The following CACNA1D variants were observed in gnomAD, a reference collection of about 807,000 sequenced individuals.
The protein encoded by CACNA1D is calcium voltage-gated channel subunit alpha1 D, also known as voltage-dependent L-type calcium channel subunit alpha-1D.
Under a neutral mutation model 257.1 loss-of-function variants are expected in CACNA1D, and 55 were observed. The observed-to-expected ratio is 0.21, with a 90% confidence interval of 0.17 to 0.27. CACNA1D has a LOEUF of 0.27. Ranked by LOEUF, CACNA1D falls within the 10% of genes least tolerant of loss-of-function variation. The pLI, the probability that CACNA1D is intolerant of heterozygous loss-of-function variation, is 1.00. For missense variants in CACNA1D, 1,876 were observed against 2,784.0 expected (o/e 0.67, Z 7.34); for synonymous variants, 980 against 1,014.9 (o/e 0.97, Z 0.65).
chr3:53,784,912 G>C (rs893461274), intron 39 of CACNA1D, among the ~76,000 whole-genome samples: 2 of 152,214 alleles, frequency 1.3e-5, no homozygotes, highest in Non-Finnish European at 2.9e-5. Context: ...GACTCAAGGA[G>C]CACACTGTCC....
At chr3:53,724,132 G>C in intron 14 of CACNA1D, 133 bp downstream of exon 14, 1 of 756,170 alleles carries the variant, frequency 1.3e-6, no homozygotes, top group Non-Finnish European at 2.3e-6. Context: ...TCATAGCCTG[G>C]TAAATTTTGT....
intron 3 of CACNA1D, among the ~76,000 whole-genome samples, chr3:53,592,116 G>A (rs1194127585): frequency 1.3e-5 from 2 of 152,186 alleles, no homozygotes; most frequent in African/African-American, 4.8e-5. Context: ...AAATAGGCAG[G>A]GCTCCTGTTC....
At position 53,801,391 on chromosome 3, in the gene CACNA1D, G is replaced by T; in HGVS notation, c.5374G>T (p.Asp1792Tyr). The change falls in exon 42 of 48, where the codon GAC (aspartate) becomes TAC (tyrosine). Residue 1792 changes from aspartate to tyrosine, a missense_variant. By Grantham distance (160) the Asp-to-Tyr change is radical. This residue lies in a region of CACNA1D where 491 missense variants were observed against 554.3 expected (regional missense o/e 0.89). Transcript: ENST00000350061. ...TGGGCATCATTCTTCCCACAAGCAT[G>T]ACCGGGAGCCTCAGAGAAGGTCCAG... Reference protein sequence around the residue: ...ENGHHSSHKHDREPQRRSSVK... With the variant: ...ENGHHSSHKHYREPQRRSSVK... 1 of 1,614,132 alleles carries T rather than the reference G, an allele frequency of 6.2e-7. No homozygotes were observed.
intron 3 of CACNA1D, among the ~76,000 whole-genome samples, chr3:53,554,148 A>G (rs2092594464): frequency 6.6e-6 from 1 of 151,604 alleles, no homozygotes; most frequent in African/African-American, 2.4e-5. Flanking sequence ...GTGAGCCAAG[A>G]TGGCACCATT....
intron 32 of CACNA1D, 56 bp from the exon 33 acceptor site, chr3:53,772,777 C>A: frequency 7.4e-7 from 1 of 1,357,122 alleles, no homozygotes; most frequent in Non-Finnish European, 1.1e-6. Context: ...CAGGCTGTGG[C>A]GGGCCGTCAC....
intron 40 of CACNA1D, chr3:53,798,103 G>A (rs1036286658): frequency 3.3e-5 from 5 of 152,206 alleles, no homozygotes; most frequent in South Asian, 2.1e-4. Context: ...AATGAAATGC[G>A]GCTGTTTAGT....
Position 53,752,031 on chromosome 3 carries a change from A to T in CACNA1D, c.3675+124A>T, listed in dbSNP as rs1001217394. Reference sequence around the variant, plus strand: ...TTGATTTTTCTGATGAGTCTGGGCTATAGGTTGGCCAGAGTTCTGTTCTGG... The same window carrying T: ...TTGATTTTTCTGATGAGTCTGGGCTTTAGGTTGGCCAGAGTTCTGTTCTGG... On this transcript the variant is annotated intron_variant, in intron 28 of 47. Transcript: ENST00000350061. The T allele has an allele frequency of 4.3e-6, 4 of 939,084 alleles. 1 individual carries two copies. The African/African-American group carries it at 6.5e-5, about 15-fold the overall frequency. The allele number at this position is 939,084 out of a possible 1,614,324, so 58.2% of individuals were successfully genotyped here.
At chr3:53,794,263 G>A (rs1275061004) in intron 40 of CACNA1D, among the ~76,000 whole-genome samples, 1 of 152,214 alleles carries the variant, frequency 6.6e-6, no homozygotes, top group Non-Finnish European at 1.5e-5. Flanking sequence ...GCCCAATTGT[G>A]TCATGATTAG....
chr3:53,658,983 C>T (rs1291127436), intron 4 of CACNA1D, among the ~76,000 whole-genome samples: 2 of 152,200 alleles, frequency 1.3e-5, no homozygotes, highest in Non-Finnish European at 2.9e-5. Context: ...GACTCGGTGT[C>T]TTGGCAATCC....
chr3:53,572,362 GTTTGTTTGTTTGTTTATTTA>G (rs371249211), intron 3 of CACNA1D, among the ~76,000 whole-genome samples: 6,864 of 45,554 alleles, frequency 0.15, 458 homozygotes, highest in African/African-American at 0.27. Flanking sequence ...CCTCTGGTTT[GTTTGTTTGTTTGTTTATTTA>G]TTTATTTATT....
At chr3:53,693,014 C>T (rs1008859756) in intron 8 of CACNA1D, among the ~76,000 whole-genome samples, 5 of 152,176 alleles carry the variant, frequency 3.3e-5, no homozygotes, top group Non-Finnish European at 5.9e-5. Flanking sequence ...TGCACTCCAG[C>T]CTGGGCAGCC....
At chr3:53,655,568 A>G (rs1283527352) in intron 4 of CACNA1D, among the ~76,000 whole-genome samples, 1 of 152,218 alleles carries the variant, frequency 6.6e-6, no homozygotes, top group African/African-American at 2.4e-5. Context: ...ACGATCAGTA[A>G]TATGAACTTT....
intron 20 of CACNA1D, among the ~76,000 whole-genome samples, chr3:53,736,192 T>A (rs932266191): frequency 6.6e-6 from 1 of 151,838 alleles, no homozygotes; most frequent in Non-Finnish European, 1.5e-5. Context: ...ATAAAAAAAA[T>A]TAGCTGAGCG....
Position 53,800,698 on chromosome 3 carries a change from T to A in CACNA1D, c.5040+333T>A. The stretch of plus-strand genomic sequence containing the variant: ...CTACCCTCCTCCTTCCCGGGCCAGC[T>A]CTTTGATCTGCCAGCTGGCTGTCAG... On this transcript the variant is annotated intron_variant, in intron 41 of 47. Transcript: ENST00000350061. This position sits in a 1 kb window ranked among gnomAD's most constrained non-coding sequence, Gnocchi z 4.3. The A allele has an allele frequency of 2.0e-6, 1 of 493,126 alleles. No homozygotes were observed. Among genetic ancestry groups the A allele is most frequent in the African/African-American group, 1.9e-5 (1 of 51,664 alleles). 30.5% of individuals were successfully genotyped at this position (493,126 alleles called of 1,614,324 possible). A position where few individuals can be genotyped will look rare whatever the true frequency, so the allele number is the denominator to read the frequency against.
intron 3 of CACNA1D, among the ~76,000 whole-genome samples, chr3:53,517,327 G>A (rs1442608713): frequency 2.0e-5 from 3 of 152,118 alleles, no homozygotes; most frequent in African/African-American, 7.2e-5. Flanking sequence ...TGCCAGCACA[G>A]CTATGGTGAT....
At chr3:53,744,522 CTG>C (rs1384081071) in intron 22 of CACNA1D, among the ~76,000 whole-genome samples, 1 of 152,228 alleles carries the variant, frequency 6.6e-6, no homozygotes, top group Non-Finnish European at 1.5e-5. Context: ...CTGTCAGCCT[CTG>C]TGAGTGCCAT....
At chr3:53,611,444 T>C (rs1296746204) in intron 3 of CACNA1D, among the ~76,000 whole-genome samples, 1 of 152,206 alleles carries the variant, frequency 6.6e-6, no homozygotes, top group East Asian at 1.9e-4. Context: ...ATAAGGTTTT[T>C]TTCTTCATTT....
At chr3:53,550,811 T>C (rs1443541138) in intron 3 of CACNA1D, among the ~76,000 whole-genome samples, 1 of 152,144 alleles carries the variant, frequency 6.6e-6, no homozygotes, top group Non-Finnish European at 1.5e-5. Context: ...TACGGGTATT[T>C]TAATTAAAAA....
intron 3 of CACNA1D, among the ~76,000 whole-genome samples, chr3:53,634,736 C>T (rs895573311): frequency 1.3e-5 from 2 of 152,336 alleles, no homozygotes; most frequent in African/African-American, 4.8e-5. Flanking sequence ...GCATTTCCCA[C>T]CATCAGTATC....
Sources: gnomAD v4.1 joint callset for allele counts (sites outside exome capture counted in the v4.1 genomes callset) on GRCh38, gnomAD v4.1.1 for gene constraint, gnomAD v4.1.1 regional missense constraint, Gnocchi (gnomAD v3.1) non-coding constraint, MANE v1.5 for transcripts, NCBI Gene and HGNC (gene_info 2026-07-23, HGNC 2026-07-21) for gene names.